MAPK14: variants seen among roughly 807,000 people sequenced by gnomAD.
MAPK14 encodes the protein CSAID-binding protein.
Under a neutral mutation model 49.6 loss-of-function variants are expected in MAPK14, and 16 were observed. The ratio of observed to expected loss-of-function variants is 0.32; its 90% CI spans 0.22 to 0.49. The LOEUF (loss-of-function observed/expected upper bound fraction) is 0.49. Ranked by LOEUF, MAPK14 falls within the 20% of genes least tolerant of loss-of-function variation. The pLI is 0.99. For synonymous variants in MAPK14, 142 were observed against 158.0 expected (o/e 0.90, Z 0.76); for missense variants, 200 against 441.2 (o/e 0.45, Z 4.90).
intron 1 of MAPK14, among the ~76,000 whole-genome samples, chr6:36,034,259 C>T (rs1244228273): frequency 1.3e-5 from 2 of 152,046 alleles, no homozygotes; most frequent in African/African-American, 4.8e-5. Context: ...GCACTCATTG[C>T]CCAGATTAAA....
rs111234964 is a variant in MAPK14 at position 36,028,791 on chromosome 6, CTTTT to C, written c.116+536_116+539del. Among the ~76,000 whole-genome samples the C allele has an allele frequency of 2.0e-5, 2 of 100,388 alleles. No individual in the cohort carries two copies. The highest frequency in any genetic ancestry group is 3.5e-4 in the South Asian group (1 of 2,856). The allele number at this position is 100,388 out of a possible 152,430, so 65.9% of individuals were successfully genotyped here. A position where few individuals can be genotyped will look rare whatever the true frequency, so the allele number is the denominator to read the frequency against. On this transcript the variant is annotated intron_variant, in intron 1 of 11. Coordinates refer to ENST00000229794, the MANE Select transcript of MAPK14 (RefSeq NM_139012.3). The surrounding 1 kb of genome is among the most constrained non-coding windows in gnomAD (Gnocchi z 5.1). ...ACCAGGAAGGGAGCTCTCTCCGGGCCTTTTTTTTTTTTTTTTTTTTTCAAAACTC... is the reference window on the plus strand; with the variant it reads ...ACCAGGAAGGGAGCTCTCTCCGGGCCTTTTTTTTTTTTTTTTTCAAAACTC...
intron 1 of MAPK14, among the ~76,000 whole-genome samples, chr6:36,049,020 G>C (rs1763293828): frequency 6.6e-6 from 1 of 152,204 alleles, no homozygotes; most frequent in Non-Finnish European, 1.5e-5. Context: ...GGAGCTGCCA[G>C]AGGGGTCATA....
At chr6:36,038,015 A>G (rs967032846) in intron 1 of MAPK14, among the ~76,000 whole-genome samples, 1 of 148,196 alleles carries the variant, frequency 6.7e-6, no homozygotes, top group East Asian at 1.9e-4. Context: ...CTCCAAAAAG[A>G]AAAAAAAAAG....
At chr6:36,064,064 T>TTGTGTGTGTGTG (rs112138637) in intron 3 of MAPK14, among the ~76,000 whole-genome samples, 32 of 149,624 alleles carry the variant, frequency 2.1e-4, no homozygotes, top group Middle Eastern at 3.4e-3. Flanking sequence ...TGCCTTTTCT[T>TTGTGTGTGTGTG]TGTGTGTGTG....
At chr6:36,086,325 A>G (rs953089723) in intron 8 of MAPK14, among the ~76,000 whole-genome samples, 1 of 152,216 alleles carries the variant, frequency 6.6e-6, no homozygotes, top group East Asian at 1.9e-4. Flanking sequence ...TGAAGGAGAT[A>G]GAGACAGGAA....
At chr6:36,038,571 T>C (rs916864340) in intron 1 of MAPK14, among the ~76,000 whole-genome samples, 13 of 152,156 alleles carry the variant, frequency 8.5e-5, no homozygotes, top group Non-Finnish European at 4.4e-5. Context: ...TTCGTTTCGG[T>C]TCCTTACCCA....
chr6:36,059,969 C>T (rs1227994168), intron 3 of MAPK14, among the ~76,000 whole-genome samples: 1 of 152,174 alleles, frequency 6.6e-6, no homozygotes, highest in Non-Finnish European at 1.5e-5. Flanking sequence ...GGATAAGGGG[C>T]AGACTCTACC....
chr6:36,048,303 A>G (rs1234214950), intron 1 of MAPK14, among the ~76,000 whole-genome samples: 1 of 152,168 alleles, frequency 6.6e-6, no homozygotes, highest in Non-Finnish European at 1.5e-5. Flanking sequence ...TTGGCCTCAC[A>G]AAGTGCTGGG....
At chr6:36,074,734 G>C (rs1163124310) in intron 6 of MAPK14, among the ~76,000 whole-genome samples, 1 of 151,790 alleles carries the variant, frequency 6.6e-6, no homozygotes, top group African/African-American at 2.4e-5. Context: ...TCCTGCCTCA[G>C]CCTCCCGAGT....
intron 1 of MAPK14, among the ~76,000 whole-genome samples, chr6:36,043,993 A>G (rs1403410757): frequency 6.6e-6 from 1 of 151,524 alleles, no homozygotes; most frequent in Non-Finnish European, 1.5e-5. Flanking sequence ...TATTTTTAGT[A>G]GAGACGGGAT....
chr6:36,103,024 T>C (rs1300003445), intron 10 of MAPK14, among the ~76,000 whole-genome samples: 1 of 152,178 alleles, frequency 6.6e-6, no homozygotes, highest in Non-Finnish European at 1.5e-5. Flanking sequence ...CAGAAACCAC[T>C]GAAGTGCAGG....
intron 1 of MAPK14, among the ~76,000 whole-genome samples, chr6:36,032,440 A>AT (rs1392946456): frequency 1.3e-5 from 2 of 152,148 alleles, no homozygotes; most frequent in South Asian, 2.1e-4. Context: ...CAAAGCATTG[A>AT]TTTTGGGGTT....
At chr6:36,065,224 G>A (rs983720675) in intron 3 of MAPK14, among the ~76,000 whole-genome samples, 2 of 152,180 alleles carry the variant, frequency 1.3e-5, no homozygotes, top group Non-Finnish European at 2.9e-5. Flanking sequence ...TGTAAGCTGT[G>A]TTCAAGCACG....
chr6:36,033,563 C>T lies in MAPK14; in HGVS notation c.116+5290C>T, dbSNP rs186914877. ...AACTCCTGACCTTGTGATCTGCCCA[C>T]CTTGGCCTCCCAAAGTGCTGGGATT... is the stretch of plus-strand genomic sequence containing the variant. On this transcript the variant is annotated intron_variant, in intron 1 of 11. Transcript: ENST00000229794. 9.2e-5 allele frequency among the ~76,000 whole-genome samples: 14 copies of T among 152,322 alleles called. No individual in the cohort carries two copies. The South Asian group carries it at 1.9e-3, about 20-fold the overall frequency.
chr6:36,032,181 C>G (rs1052593528), intron 1 of MAPK14, among the ~76,000 whole-genome samples: 4 of 152,010 alleles, frequency 2.6e-5, no homozygotes, highest in Admixed American at 6.6e-5. Flanking sequence ...TTTTATTGCT[C>G]TAAAGTGTGG....
At chr6:36,093,331 T>G (rs1256610092) in intron 8 of MAPK14, among the ~76,000 whole-genome samples, 3 of 152,040 alleles carry the variant, frequency 2.0e-5, no homozygotes, top group Non-Finnish European at 4.4e-5. Context: ...CTGTGACTAA[T>G]GGAAATTGCG....
rs1762407885 is a variant in MAPK14, at chr6:36,028,644, G to A, written c.116+371G>A. Among the ~76,000 whole-genome samples the A allele has an allele frequency of 1.3e-5, 2 of 152,176 alleles. No homozygotes were observed. The highest frequency in any genetic ancestry group is 4.1e-4 in the South Asian group (2 of 4,832). ...ACCTGGAGCAGAAGGACCCTCTCCC[G>A]TGATGCGCCCACGCTGGGGCTCCGG... is the stretch of plus-strand genomic sequence containing the variant. On this transcript the variant is annotated intron_variant, in intron 1 of 11. Transcript: ENST00000229794. The surrounding 1 kb of genome is among the most constrained non-coding windows in gnomAD (Gnocchi z 5.1).
intron 8 of MAPK14, among the ~76,000 whole-genome samples, chr6:36,084,367 TAG>T (rs1764892174): frequency 6.6e-6 from 1 of 152,122 alleles, no homozygotes; most frequent in Non-Finnish European, 1.5e-5. Context: ...TTGACAGAAG[TAG>T]ACTTCCGAAG....
At chr6:36,058,976 G>A (rs1262608577) in intron 2 of MAPK14, among the ~76,000 whole-genome samples, 2 of 150,546 alleles carry the variant, frequency 1.3e-5, no homozygotes, top group African/African-American at 4.9e-5. Flanking sequence ...TGCAACCTCC[G>A]CTTCCCAGGT....
Sources: gnomAD v4.1 joint callset for allele counts (sites outside exome capture counted in the v4.1 genomes callset) on GRCh38, gnomAD v4.1.1 for gene constraint, Gnocchi (gnomAD v3.1) non-coding constraint, MANE v1.5 for transcripts, NCBI Gene and HGNC (gene_info 2026-07-23, HGNC 2026-07-21) for gene names.